The following PCDH15 variants were observed in gnomAD, a reference collection of about 807,000 sequenced individuals.
PCDH15 encodes the protein protocadherin related 15.
A neutral mutation model predicts 178.5 loss-of-function variants in PCDH15; 129 were observed. The observed-to-expected ratio is 0.72, with a 90% CI of 0.63 to 0.84. PCDH15 has a LOEUF of 0.84. PCDH15 is among the 40% of genes least tolerant of loss of function. The pLI is 0.00. For missense variants in PCDH15, 2,230 were observed against 2,099.9 expected (o/e 1.06, Z -1.21); for synonymous variants, 800 against 732.0 (o/e 1.09, Z -1.50).
At chr10:54,555,547 C>A (rs996774562) in intron 2 of PCDH15, among the ~76,000 whole-genome samples, 1 of 148,138 alleles carries the variant, frequency 6.8e-6, no homozygotes, top group Non-Finnish European at 1.5e-5. Context: ...CTGACCAACA[C>A]GGTGAAACCC....
intron 26 of PCDH15, among the ~76,000 whole-genome samples, chr10:53,875,401 T>C (rs1407994342): frequency 6.6e-6 from 1 of 151,976 alleles, no homozygotes; most frequent in Non-Finnish European, 1.5e-5. Flanking sequence ...ACAAGTTGGG[T>C]TAAATTAATG....
At chr10:55,400,049 A>C (rs1838026019) in intron 2 of PCDH15, among the ~76,000 whole-genome samples, 1 of 152,108 alleles carries the variant, frequency 6.6e-6, no homozygotes, top group Admixed American at 6.6e-5. Context: ...TTTATTAACA[A>C]TCTATGTGTT....
intron 18 of PCDH15, among the ~76,000 whole-genome samples, chr10:54,056,886 C>T (rs189669946): frequency 1.3e-5 from 2 of 152,212 alleles, no homozygotes; most frequent in East Asian, 3.9e-4. Context: ...GGTAAATATA[C>T]CCATTCCAAA....
intron 1 of PCDH15, among the ~76,000 whole-genome samples, chr10:55,247,143 G>T (rs1592017993): frequency 1.3e-5 from 2 of 152,212 alleles, no homozygotes; most frequent in Middle Eastern, 6.8e-3. Context: ...CTTAGAGTTT[G>T]TTCATGTTAG....
At chr10:55,017,963 C>G (rs1278583142) in intron 2 of PCDH15, among the ~76,000 whole-genome samples, 1 of 151,944 alleles carries the variant, frequency 6.6e-6, no homozygotes, top group Non-Finnish European at 1.5e-5. Context: ...ATTGTTAGCT[C>G]TCATATAATG....
intron 2 of PCDH15, among the ~76,000 whole-genome samples, chr10:54,539,442 A>G (rs1254335959): frequency 2.0e-5 from 3 of 152,230 alleles, no homozygotes; most frequent in Non-Finnish European, 4.4e-5. Context: ...TATGCTAACT[A>G]TATACATATG....
At chr10:54,608,646 A>G (rs923141752) in intron 2 of PCDH15, among the ~76,000 whole-genome samples, 2 of 152,012 alleles carry the variant, frequency 1.3e-5, no homozygotes, top group African/African-American at 4.8e-5. Context: ...GTCATCAAAC[A>G]AAATGATGTG....
intron 1 of PCDH15, among the ~76,000 whole-genome samples, chr10:55,216,745 A>C (rs958729751): frequency 6.6e-6 from 1 of 151,892 alleles, no homozygotes; most frequent in African/African-American, 2.4e-5. Context: ...GCACTCAAAA[A>C]ATTTTACCTA....
chr10:54,908,728 G>A (rs1304665579), intron 2 of PCDH15, among the ~76,000 whole-genome samples: 5 of 152,172 alleles, frequency 3.3e-5, no homozygotes, highest in Non-Finnish European at 7.3e-5. Context: ...CGGTGTCCTG[G>A]AGAGTGTTCA....
chr10:53,915,930 G>A (rs2083490058), intron 25 of PCDH15, among the ~76,000 whole-genome samples: 1 of 152,114 alleles, frequency 6.6e-6, no homozygotes, highest in African/African-American at 2.4e-5. Context: ...CTGACACTTT[G>A]TCATTCCTCA....
intron 4 of PCDH15, among the ~76,000 whole-genome samples, chr10:54,371,266 A>G (rs1465051762): frequency 6.6e-6 from 1 of 151,852 alleles, no homozygotes; most frequent in African/African-American, 2.4e-5. Flanking sequence ...GTAAAAATGT[A>G]ATTGTGAAAT....
intron 24 of PCDH15, among the ~76,000 whole-genome samples, chr10:53,939,468 G>A (rs982297713): frequency 6.6e-6 from 1 of 151,970 alleles, no homozygotes; most frequent in African/African-American, 2.4e-5. Context: ...ATGTTGCCCT[G>A]TGTCTGTTTA....
In PCDH15 at chr10:54,051,072, A is replaced by T. The variant is rs751939322; in HGVS notation, c.2220+15685T>A. On this transcript the variant is annotated intron_variant, in intron 18 of 37. Transcript: ENST00000644397. Reference sequence around the variant, plus strand: ...ATCGTAAGTTTCCTGAGGCTTCCCCAGACATGCTGAACTGTGAGTCAATTA... The same window carrying T: ...ATCGTAAGTTTCCTGAGGCTTCCCCTGACATGCTGAACTGTGAGTCAATTA... Among the ~76,000 whole-genome samples the T allele has an allele frequency of 7.1e-4, 108 of 152,316 alleles. No individual in the cohort carries two copies. In the Middle Eastern group the frequency reaches 0.02, roughly 29 times the overall value.
intron 1 of PCDH15, among the ~76,000 whole-genome samples, chr10:54,709,288 A>G (rs1169937265): frequency 6.6e-6 from 1 of 152,092 alleles, no homozygotes; most frequent in African/African-American, 2.4e-5. Context: ...AAAGAATACT[A>G]TGATCGGTTC....
chr10:54,331,509 T>C (rs1402440368), intron 6 of PCDH15, among the ~76,000 whole-genome samples: 2 of 151,998 alleles, frequency 1.3e-5, no homozygotes, highest in Non-Finnish European at 1.5e-5. Flanking sequence ...TTTTTGCCTA[T>C]TCAACTTTGC....
intron 3 of PCDH15, among the ~76,000 whole-genome samples, chr10:54,497,711 C>T (rs901991638): frequency 1.3e-5 from 2 of 151,700 alleles, no homozygotes; most frequent in Non-Finnish European, 2.9e-5. Context: ...ACCTCCAGGG[C>T]TTGAAGACTG....
chr10:54,389,264 G>T (rs1950257221), intron 3 of PCDH15, among the ~76,000 whole-genome samples: 1 of 152,178 alleles, frequency 6.6e-6, no homozygotes, highest in African/African-American at 2.4e-5. Flanking sequence ...TATCTTAGAA[G>T]TGTATAGATA....
intron 3 of PCDH15, among the ~76,000 whole-genome samples, chr10:54,513,827 T>C (rs1024079018): frequency 7.2e-5 from 11 of 152,172 alleles, no homozygotes; most frequent in Non-Finnish European, 1.6e-4. Flanking sequence ...GGAGAAATTC[T>C]TGGATTACAG....
At chr10:53,989,887 A>C (rs1023569163) in intron 21 of PCDH15, among the ~76,000 whole-genome samples, 5 of 152,182 alleles carry the variant, frequency 3.3e-5, no homozygotes, top group Admixed American at 3.3e-4. Flanking sequence ...ATACCAAAAA[A>C]CTATATTATC....
Sources: gnomAD v4.1 joint callset for allele counts (sites outside exome capture counted in the v4.1 genomes callset) on GRCh38, gnomAD v4.1.1 for gene constraint, MANE v1.5 for transcripts, NCBI Gene and HGNC (gene_info 2026-07-23, HGNC 2026-07-21) for gene names.